The following FARSB variants were observed in gnomAD, a reference collection of about 807,000 sequenced individuals.
FARSB encodes the protein phenylalanyl-tRNA synthetase subunit beta.
Under a neutral mutation model 69.6 loss-of-function variants are expected in FARSB, and 40 were observed. That is an observed-to-expected ratio of 0.57 (90% CI 0.45 to 0.75). The LOEUF is 0.75. Ranked by LOEUF, FARSB falls within the 30% of genes least tolerant of loss-of-function variation. The probability of loss-of-function intolerance (pLI) is 0.00; values close to 1 mark genes in which losing one functional copy is unlikely to be tolerated. For missense variants in FARSB, 632 were observed against 722.9 expected (o/e 0.87, Z 1.44); for synonymous variants, 235 against 247.2 (o/e 0.95, Z 0.46).
intron 15 of FARSB, among the ~76,000 whole-genome samples, chr2:222,610,502 AG>A (rs1559201662): frequency 6.6e-6 from 1 of 151,476 alleles, no homozygotes. Flanking sequence ...AATAAAAAAT[AG>A]AAAAAATAGA....
chr2:222,650,229 A>G (rs1691996121), intron 1 of FARSB, among the ~76,000 whole-genome samples: 1 of 152,228 alleles, frequency 6.6e-6, no homozygotes, highest in East Asian at 1.9e-4. Flanking sequence ...TCATATCAGA[A>G]GATATGATGG....
intron 14 of FARSB, among the ~76,000 whole-genome samples, chr2:222,616,721 T>A (rs937804238): frequency 6.6e-6 from 1 of 152,194 alleles, no homozygotes; most frequent in African/African-American, 2.4e-5. Context: ...ATTTTTATCT[T>A]GCCCATTCTC....
intron 15 of FARSB, among the ~76,000 whole-genome samples, chr2:222,611,872 C>T (rs1224867617): frequency 1.3e-5 from 2 of 152,166 alleles, no homozygotes; most frequent in African/African-American, 4.8e-5. Flanking sequence ...TGTGAGCATG[C>T]CCAGCCCCAC....
At position 222,569,815 on chromosome 2, in the gene FARSB, G is replaced by A. The variant is rs985468252; in HGVS notation, c.*2056C>T. 1.3e-5 allele frequency: 2 copies of A among 152,146 alleles called. No homozygotes were observed. 9.4% of individuals were successfully genotyped at this position (152,146 alleles called of 1,614,324 possible). On this transcript the variant is annotated 3_prime_UTR_variant, in exon 17 of 17. Coordinates refer to ENST00000281828, the MANE Select transcript of FARSB (RefSeq NM_005687.5). ...CAGTAGTTCATTCCTTCTTATTGCTGAGAAGTATTTCATAGTATGGATATA... is the reference window on the plus strand; with the variant it reads ...CAGTAGTTCATTCCTTCTTATTGCTAAGAAGTATTTCATAGTATGGATATA...
At chr2:222,623,049 T>C (rs1425269424) in intron 13 of FARSB, among the ~76,000 whole-genome samples, 1 of 151,596 alleles carries the variant, frequency 6.6e-6, no homozygotes, top group African/African-American at 2.4e-5. Flanking sequence ...AAGAACTACA[T>C]TGCAGGCACC....
At position 222,639,745 on chromosome 2, in the gene FARSB, G is replaced by A. The variant is rs755639005; in HGVS notation, c.340-50C>T. 1.2e-5 allele frequency: 9 copies of A among 726,812 alleles called. No homozygotes were observed. In the South Asian group the frequency reaches 1.8e-4, roughly 15 times the overall value. The allele number at this position is 726,812 out of a possible 1,614,324, so 45.0% of individuals were successfully genotyped here. A position where few individuals can be genotyped will look rare whatever the true frequency, so the allele number is the denominator to read the frequency against. On this transcript the variant is annotated intron_variant, in intron 4 of 16. Coordinates refer to ENST00000281828, the MANE Select transcript of FARSB (RefSeq NM_005687.5). ...ATAGCAAACAGTAAGGCTTTTCTTT[G>A]TAATATCTTGTAATAGGAAGGTAGC... is the stretch of plus-strand genomic sequence containing the variant.
chr2:222,586,151 C>G (rs1012946156), intron 16 of FARSB, among the ~76,000 whole-genome samples: 2 of 152,226 alleles, frequency 1.3e-5, no homozygotes, highest in African/African-American at 4.8e-5. Context: ...ATCAGACTAA[C>G]AGCGGATCTC....
intron 15 of FARSB, among the ~76,000 whole-genome samples, chr2:222,604,325 TG>T (rs2106201469): frequency 1.3e-5 from 2 of 152,264 alleles, no homozygotes; most frequent in East Asian, 3.9e-4. Flanking sequence ...TTTAAGCAAC[TG>T]AAATAAATTA....
chr2:222,588,179 AT>A (rs1453732228), intron 16 of FARSB, among the ~76,000 whole-genome samples: 2 of 152,240 alleles, frequency 1.3e-5, no homozygotes, highest in African/African-American at 4.8e-5. Flanking sequence ...AGTTGGCTTC[AT>A]CCCTGGGATG....
chr2:222,654,564 G>A (rs1692121321), intron 1 of FARSB, among the ~76,000 whole-genome samples: 1 of 152,090 alleles, frequency 6.6e-6, no homozygotes, highest in Admixed American at 6.5e-5. Context: ...TAGAAGGGCA[G>A]GTAAGAAATA....
intron 16 of FARSB, among the ~76,000 whole-genome samples, chr2:222,595,151 T>A (rs1185523194): frequency 1.3e-5 from 2 of 152,204 alleles, no homozygotes; most frequent in Admixed American, 6.5e-5. Context: ...CCTGTTGTCT[T>A]CACAATTTAT....
At chr2:222,615,356 T>C (rs988440069) in intron 14 of FARSB, among the ~76,000 whole-genome samples, 1 of 152,204 alleles carries the variant, frequency 6.6e-6, no homozygotes, top group Non-Finnish European at 1.5e-5. Flanking sequence ...GAGTGGTCCT[T>C]TAAGATGGAA....
intron 16 of FARSB, among the ~76,000 whole-genome samples, chr2:222,587,611 C>A (rs955400145): frequency 3.3e-5 from 5 of 151,840 alleles, no homozygotes; most frequent in African/African-American, 1.2e-4. Flanking sequence ...AGACCACTAG[C>A]AGACTAATAA....
rs1206762561 is a variant in FARSB, at chr2:222,569,720, TAG to T, written c.*2149_*2150del. 7.9e-5 allele frequency: 12 copies of T among 152,350 alleles called. No homozygotes were observed. The East Asian group carries it at 9.6e-4, about 12-fold the overall frequency. 9.4% of individuals were successfully genotyped at this position (152,350 alleles called of 1,614,324 possible). A position where few individuals can be genotyped will look rare whatever the true frequency, so the allele number is the denominator to read the frequency against. ...AGACTCTCAGGTAAATAGAATTAAA[TAG>T]AGTCTTTTGTGTCTCTTGCTTTCAC... On this transcript the variant is annotated 3_prime_UTR_variant, in exon 17 of 17. Coordinates refer to ENST00000281828, the MANE Select transcript of FARSB (RefSeq NM_005687.5).
chr2:222,640,796 C>T lies in FARSB; in HGVS notation c.339+66G>A, dbSNP rs565569214. 3 of 780,774 alleles carry T rather than the reference C, an allele frequency of 3.8e-6. No individual in the cohort carries two copies. In the African/African-American group the frequency reaches 5.5e-5, roughly 14 times the overall value. The allele number at this position is 780,774 out of a possible 1,614,324, so 48.4% of individuals were successfully genotyped here. A position where few individuals can be genotyped will look rare whatever the true frequency, so the allele number is the denominator to read the frequency against. ...GAGTAAGCTTTGTTTCTCTTTCCTCCCCACTTTATACAGACATGTACAAAA... is the reference window on the plus strand; with the variant it reads ...GAGTAAGCTTTGTTTCTCTTTCCTCTCCACTTTATACAGACATGTACAAAA... On this transcript the variant is annotated intron_variant, in intron 4 of 16. Transcript: ENST00000281828.
rs997599468 is a variant in FARSB at position 222,567,722 on chromosome 2, A to C, written c.*4149T>G. 6 of 152,246 alleles carry C rather than the reference A, an allele frequency of 3.9e-5. No homozygotes were observed. Among genetic ancestry groups the C allele is most frequent in the Admixed American group, 1.3e-4 (2 of 15,284 alleles). 9.4% of individuals were successfully genotyped at this position (152,246 alleles called of 1,614,324 possible). On this transcript the variant is annotated 3_prime_UTR_variant, in exon 17 of 17. Transcript: ENST00000281828. ...AAACGTCACATCAAAGAAATATCTA[A>C]TGAACTCTATGCATCTCTGAATGTG...
intron 13 of FARSB, among the ~76,000 whole-genome samples, chr2:222,620,502 T>C (rs1426738552): frequency 1.3e-5 from 2 of 152,218 alleles, no homozygotes; most frequent in Non-Finnish European, 2.9e-5. Context: ...ACCAGCATTG[T>C]AGGCAGAAGT....
intron 3 of FARSB, among the ~76,000 whole-genome samples, chr2:222,641,669 A>C (rs1691722787): frequency 6.6e-6 from 1 of 152,236 alleles, no homozygotes; most frequent in Non-Finnish European, 1.5e-5. Flanking sequence ...AAAAATCACA[A>C]GGTGACTGGT....
At position 222,633,197 on chromosome 2, in the gene FARSB, A is replaced by T; in HGVS notation, c.715+2T>A. 7.6e-7 allele frequency: 1 copy of T among 1,313,926 alleles called. No individual in the cohort carries two copies. The highest frequency in any genetic ancestry group is 1.4e-5 in the African/African-American group (1 of 69,176). The allele number at this position is 1,313,926 out of a possible 1,614,324, so 81.4% of individuals were successfully genotyped here. A position where few individuals can be genotyped will look rare whatever the true frequency, so the allele number is the denominator to read the frequency against. On this transcript the variant is annotated splice_donor_variant, in intron 7 of 16. Coordinates refer to ENST00000281828, the MANE Select transcript of FARSB (RefSeq NM_005687.5). LOFTEE classifies it high-confidence loss of function. ...ATCTGTGATGCTTATAAAATAACTC[A>T]CCATTGATGATGGGAGGCATTGAAA...
Sources: allele counts gnomAD v4.1 joint callset (sites outside exome capture counted in the v4.1 genomes callset), GRCh38; gene constraint gnomAD v4.1.1; transcripts MANE v1.5; gene names NCBI Gene and HGNC (gene_info 2026-07-23, HGNC 2026-07-21).